RANBP3L: variants seen among roughly 807,000 people sequenced by gnomAD.
RANBP3L encodes ran-binding protein 3-like.
In RANBP3L, 56 loss-of-function variants were observed where a neutral mutation model predicts 67.2. That is an observed-to-expected ratio of 0.83 (90% CI 0.67 to 1.04). RANBP3L has a LOEUF of 1.04. Ranked by LOEUF, RANBP3L falls within the 50% of genes least tolerant of loss-of-function variation. RANBP3L has a pLI of 0.00. For missense variants in RANBP3L, 496 were observed against 535.5 expected, an observed-to-expected ratio of 0.93 and a Z score of 0.73; for synonymous variants, 164 against 181.4, an observed-to-expected ratio of 0.90 and a Z score of 0.77.
At chr5:36,263,448 C>T (rs1010825904) in intron 6 of RANBP3L, among the ~76,000 whole-genome samples, 7 of 152,092 alleles carry the variant, frequency 4.6e-5, no homozygotes, top group African/African-American at 1.7e-4. Flanking sequence ...AAATCTTGCT[C>T]TATATTTATA....
At chr5:36,299,157 T>A (rs377316936) in intron 1 of RANBP3L, among the ~76,000 whole-genome samples, 22 of 152,256 alleles carry the variant, frequency 1.4e-4, no homozygotes, top group African/African-American at 5.3e-4. Flanking sequence ...CCTTGAACAT[T>A]GGATTCCAAG....
rs555994572 is a variant in RANBP3L at position 36,292,900 on chromosome 5, A to G, written c.91+8426T>C. On this transcript the variant is annotated intron_variant, in intron 1 of 13. Transcript: ENST00000296604. Reference sequence around the variant, plus strand: ...GCGATGCGGGCTCTTTTTTGGTTCCATATGAACTTTAAAGTAGTTTTTTCC... The same window carrying G: ...GCGATGCGGGCTCTTTTTTGGTTCCGTATGAACTTTAAAGTAGTTTTTTCC... 6.3e-3 allele frequency among the ~76,000 whole-genome samples: 955 copies of G among 151,282 alleles called. 9 individuals carry two copies. The highest frequency in any genetic ancestry group is 0.011 in the Non-Finnish European group (764 of 67,820).
chr5:36,270,914 T>TA (rs764203007), intron 2 of RANBP3L, among the ~76,000 whole-genome samples: 1 of 152,240 alleles, frequency 6.6e-6, no homozygotes, highest in Non-Finnish European at 1.5e-5. Flanking sequence ...TGTGTTTTTT[T>TA]ACCGAGTTTT....
intron 1 of RANBP3L, among the ~76,000 whole-genome samples, chr5:36,290,767 T>A (rs1008357500): frequency 7.0e-4 from 99 of 141,080 alleles, no homozygotes; most frequent in African/African-American, 2.5e-3. Flanking sequence ...AGTCTCACTC[T>A]GTTGCCCAGA....
At chr5:36,300,460 C>A (rs1752536338) in intron 1 of RANBP3L, among the ~76,000 whole-genome samples, 1 of 152,162 alleles carries the variant, frequency 6.6e-6, no homozygotes, top group Non-Finnish European at 1.5e-5. Flanking sequence ...TTAGCCAACA[C>A]TCTCCACACC....
chr5:36,277,676 G>A (rs1312835318), intron 1 of RANBP3L, among the ~76,000 whole-genome samples: 1 of 152,002 alleles, frequency 6.6e-6, no homozygotes, highest in African/African-American at 2.4e-5. Flanking sequence ...GTAGCAATAT[G>A]TCAGGCTACA....
At chr5:36,277,107 C>A (rs1750626297) in intron 1 of RANBP3L, among the ~76,000 whole-genome samples, 1 of 152,208 alleles carries the variant, frequency 6.6e-6, no homozygotes, top group African/African-American at 2.4e-5. Context: ...GCTCTAATTG[C>A]TACCAGGACT....
At chr5:36,275,115 T>C (rs369692525) in intron 1 of RANBP3L, among the ~76,000 whole-genome samples, 6 of 152,220 alleles carry the variant, frequency 3.9e-5, no homozygotes, top group African/African-American at 1.4e-4. Flanking sequence ...AAATATTATA[T>C]TGAGTACTTG....
At chr5:36,250,469 G>C (rs1036572652) in intron 13 of RANBP3L, among the ~76,000 whole-genome samples, 2 of 151,828 alleles carry the variant, frequency 1.3e-5, no homozygotes, top group African/African-American at 4.8e-5. Context: ...TACGTTCTTT[G>C]ATAGATTCTT....
At chr5:36,286,727 T>C (rs1422431639) in intron 1 of RANBP3L, among the ~76,000 whole-genome samples, 1 of 152,176 alleles carries the variant, frequency 6.6e-6, no homozygotes, top group Non-Finnish European at 1.5e-5. Context: ...AATGAATCAA[T>C]AACCACGTCA....
At chr5:36,287,181 C>G (rs894880311) in intron 1 of RANBP3L, among the ~76,000 whole-genome samples, 5 of 152,210 alleles carry the variant, frequency 3.3e-5, no homozygotes, top group African/African-American at 1.2e-4. Flanking sequence ...CAGTGAGACT[C>G]TAATGTGCAT....
At chr5:36,296,651 A>G (rs1238517734) in intron 1 of RANBP3L, among the ~76,000 whole-genome samples, 1 of 152,154 alleles carries the variant, frequency 6.6e-6, no homozygotes, top group Non-Finnish European at 1.5e-5. Flanking sequence ...AATAAGGATA[A>G]CAATACCTGC....
chr5:36,301,403 G>T lies in RANBP3L; in HGVS notation c.14C>A (p.Pro5Gln). 1 of 1,613,378 alleles carries T rather than the reference G, an allele frequency of 6.2e-7. No homozygotes were observed. Among genetic ancestry groups the T allele is most frequent in the South Asian group, 1.1e-5 (1 of 91,056 alleles). ...AGGCAGGTGGCTGCTGCCTTTTCTT[G>T]GTATGGTAGTCATGGTCCTAGCAGT... The part of the protein sequence containing the change: MTTI[P>Q]RKGSSHLPGS... Residue 5 changes from proline to glutamine, a missense_variant, in exon 1 of 14, where the codon CCA becomes CAA. Coordinates refer to ENST00000296604, the MANE Select transcript of RANBP3L (RefSeq NM_145000.5).
chr5:36,297,735 G>T (rs1416016671), intron 1 of RANBP3L, among the ~76,000 whole-genome samples: 1 of 152,114 alleles, frequency 6.6e-6, no homozygotes, highest in Non-Finnish European at 1.5e-5. Flanking sequence ...GCAACAAGTT[G>T]GGAGATGAGC....
chr5:36,257,472 C>T lies in RANBP3L; in HGVS notation c.754G>A (p.Val252Ile). 1.9e-6 allele frequency: 3 copies of T among 1,563,522 alleles called. No individual in the cohort carries two copies. The highest frequency in any genetic ancestry group is 2.3e-5 in the South Asian group (2 of 87,038). The change falls in exon 9 of 14, where the codon GTC becomes ATC. Residue 252 changes from valine to isoleucine, a missense_variant. By Grantham distance (29) the Val-to-Ile change is conservative. Coordinates refer to ENST00000296604, the MANE Select transcript of RANBP3L (RefSeq NM_145000.5). ...TTCTTACTTGAACTTAAAAAGTTGA[C>T]AGGAAATTTCGGAATGGATTTGAAT... ...KPFKSIPKFP[V>I]NFLSSRTDSI...
At position 36,247,867 on chromosome 5, in the gene RANBP3L, G is replaced by A. The variant is rs1748372511; in HGVS notation, c.*1787C>T. Among the ~76,000 whole-genome samples the A allele has an allele frequency of 6.6e-6, 1 of 152,216 alleles. No homozygotes were observed. ...CGTGCCACTGCACTCCAACCTGGGT[G>A]ACAGAGCGAGACTCTGTCTAAAAAA... On this transcript the variant is annotated 3_prime_UTR_variant, in exon 14 of 14. Transcript: ENST00000296604.
intron 7 of RANBP3L, 49 bp from the exon 8 acceptor site, chr5:36,260,913 C>A: frequency 1.3e-6 from 1 of 745,334 alleles, no homozygotes; most frequent in Non-Finnish European, 2.2e-6. Flanking sequence ...TAGATAAAGC[C>A]ATTTTAAACC....
At chr5:36,266,349 A>C (rs531807318) in intron 4 of RANBP3L, among the ~76,000 whole-genome samples, 2 of 152,226 alleles carry the variant, frequency 1.3e-5, no homozygotes, top group Non-Finnish European at 2.9e-5. Context: ...ATTTCTATAC[A>C]TTTCAAAGGG....
chr5:36,268,230 G>A (rs1177828796), intron 4 of RANBP3L: 17 of 1,538,806 alleles, frequency 1.1e-5, no homozygotes, highest in South Asian at 8.5e-5. Context: ...GGTTAGTGAC[G>A]GATGAACATC....
Sources: gnomAD v4.1 joint callset for allele counts (sites outside exome capture counted in the v4.1 genomes callset) on GRCh38, gnomAD v4.1.1 for gene constraint, MANE v1.5 for transcripts, NCBI Gene and HGNC (gene_info 2026-07-23, HGNC 2026-07-21) for gene names.